NUP88: variants seen among roughly 807,000 people sequenced by gnomAD.
The protein encoded by NUP88 is nuclear pore complex protein Nup88.
Under a neutral mutation model 93.9 loss-of-function variants are expected in NUP88, and 57 were observed. The ratio of observed to expected loss-of-function variants is 0.61; its 90% CI spans 0.49 to 0.76. The LOEUF is 0.76. NUP88 is among the 30% of genes least tolerant of loss of function. The pLI is 0.00. For missense variants in NUP88, 911 were observed against 901.0 expected (o/e 1.01, Z -0.14); for synonymous variants, 346 against 336.8 (o/e 1.03, Z -0.30).
At chr17:5,401,569 A>G (rs1325420878) in intron 7 of NUP88, among the ~76,000 whole-genome samples, 1 of 152,180 alleles carries the variant, frequency 6.6e-6, no homozygotes, top group Non-Finnish European at 1.5e-5. Context: ...CTGATATATT[A>G]TTTTTCTGTC....
chr17:5,411,919 A>G (rs1264741847), intron 3 of NUP88, among the ~76,000 whole-genome samples: 1 of 152,224 alleles, frequency 6.6e-6, no homozygotes, highest in Non-Finnish European at 1.5e-5. Context: ...CAGTCTTCCT[A>G]GGTTCCTACA....
intron 7 of NUP88, 142 bp downstream of exon 7, chr17:5,403,957 T>C (rs1913326718): frequency 2.6e-6 from 2 of 758,198 alleles, no homozygotes; most frequent in Admixed American, 2.9e-5. Flanking sequence ...AAGTGTACTA[T>C]AGTGACTAAA....
At chr17:5,412,410 C>T (rs772557276) in intron 3 of NUP88, among the ~76,000 whole-genome samples, 1 of 152,170 alleles carries the variant, frequency 6.6e-6, no homozygotes, top group African/African-American at 2.4e-5. Flanking sequence ...CCCTTAGTCA[C>T]TTAGTAGCTG....
chr17:5,386,156 T>A lies in NUP88; in HGVS notation c.*50A>T. ...ATTCTACCTGTTTTACAATATGGGT[T>A]TAAGCCTTCAATGGTGTTCAGTTCA... On this transcript the variant is annotated 3_prime_UTR_variant, in exon 17 of 17. Transcript: ENST00000573584. The A allele has an allele frequency of 7.1e-7, 1 of 1,409,644 alleles. No individual in the cohort carries two copies. The highest frequency in any genetic ancestry group is 1.4e-5 in the African/African-American group (1 of 69,892). The allele number at this position is 1,409,644 out of a possible 1,614,324, so 87.3% of individuals were successfully genotyped here.
intron 1 of NUP88, chr17:5,418,012 T>C (rs898202868): frequency 1.3e-5 from 2 of 150,054 alleles, no homozygotes; most frequent in Non-Finnish European, 2.9e-5. Flanking sequence ...TGGTGGCAGA[T>C]ACCTGTAATC....
intron 2 of NUP88, among the ~76,000 whole-genome samples, chr17:5,414,651 A>G (rs1358361315): frequency 6.6e-6 from 1 of 152,124 alleles, no homozygotes; most frequent in African/African-American, 2.4e-5. Context: ...GCTGGGCGCA[A>G]TGGCTCACGC....
chr17:5,386,361 AAG>A, intron 16 of NUP88, 92 bp from the exon 17 acceptor site: 1 of 964,978 alleles, frequency 1.0e-6, no homozygotes, highest in Non-Finnish European at 1.6e-6. Context: ...TGAAACATCT[AAG>A]AACTGCTTTG....
chr17:5,393,793 G>A (rs1455451227), intron 9 of NUP88, among the ~76,000 whole-genome samples: 2 of 152,078 alleles, frequency 1.3e-5, no homozygotes, highest in Non-Finnish European at 1.5e-5. Context: ...CCCACCAAGC[G>A]TTTTCCCTGT....
At chr17:5,399,014 G>A (rs1912972516) in intron 8 of NUP88, among the ~76,000 whole-genome samples, 3 of 150,848 alleles carry the variant, frequency 2.0e-5, no homozygotes, top group African/African-American at 4.9e-5. Flanking sequence ...TCAGTCTCCC[G>A]AGTAGCTGGG....
chr17:5,406,314 C>T (rs1293157110), intron 5 of NUP88, among the ~76,000 whole-genome samples: 2 of 152,122 alleles, frequency 1.3e-5, no homozygotes, highest in Non-Finnish European at 2.9e-5. Flanking sequence ...ACATGAAAGA[C>T]AAAGAACTAA....
In NUP88 at chr17:5,399,279, T is replaced by C. The variant is rs1358441413; in HGVS notation, c.1291+273A>G. 2.1e-5 allele frequency among the ~76,000 whole-genome samples: 3 copies of C among 146,030 alleles called. No homozygotes were observed. The East Asian group carries it at 6.1e-4, about 29-fold the overall frequency. On this transcript the variant is annotated intron_variant, in intron 8 of 16. Coordinates refer to ENST00000573584, the MANE Select transcript of NUP88 (RefSeq NM_002532.6). Reference sequence around the variant, plus strand: ...TTTTTTTTTTCTTGGAATTTGTCCATTCCATCTAGATTATGTAAATGGCAT... The same window carrying C: ...TTTTTTTTTTCTTGGAATTTGTCCACTCCATCTAGATTATGTAAATGGCAT...
intron 5 of NUP88, among the ~76,000 whole-genome samples, chr17:5,408,202 T>A (rs1913607673): frequency 6.6e-6 from 1 of 152,240 alleles, no homozygotes; most frequent in South Asian, 2.1e-4. Context: ...AGAAATGGTC[T>A]CACTCTTCCT....
chr17:5,397,298 C>A (rs1912835400), intron 8 of NUP88, among the ~76,000 whole-genome samples: 1 of 152,176 alleles, frequency 6.6e-6, no homozygotes, highest in Non-Finnish European at 1.5e-5. Context: ...AATGACTGCA[C>A]CACTGCACTC....
chr17:5,418,512 C>A (rs564961992), intron 1 of NUP88, among the ~76,000 whole-genome samples: 1 of 152,296 alleles, frequency 6.6e-6, no homozygotes, highest in East Asian at 1.9e-4. Context: ...CCTCTGCCTC[C>A]CAGTGTTGGG....
chr17:5,416,607 G>A lies in NUP88; in HGVS notation c.373C>T (p.Leu125Phe). ...LLSPTQHHVA[L>F]IGIKGLMVLE... is the part of the protein sequence containing the mutation. ...ACCATAAGTCCTTTTATTCCTATAA[G>A]TGCTACATGATGTTGTGTTGGGCTT... Residue 125 changes from leucine to phenylalanine, a missense_variant, in exon 2 of 17, where the codon CTT becomes TTT. Leu to Phe is a conservative substitution (Grantham distance 22). Coordinates refer to ENST00000573584, the MANE Select transcript of NUP88 (RefSeq NM_002532.6). 6.2e-7 allele frequency: 1 copy of A among 1,612,046 alleles called. No homozygotes were observed. Among genetic ancestry groups the A allele is most frequent in the South Asian group, 1.1e-5 (1 of 90,590 alleles).
chr17:5,413,392 A>C (rs1486769107), intron 3 of NUP88, among the ~76,000 whole-genome samples: 2 of 152,242 alleles, frequency 1.3e-5, no homozygotes, highest in Non-Finnish European at 2.9e-5. Context: ...GATTTAGTAG[A>C]GCACAGTTAA....
rs149747450 is a variant in NUP88 at position 5,417,341 on chromosome 17, C to T, written c.298-659G>A. Among the ~76,000 whole-genome samples, 96 of 152,274 alleles carry T rather than the reference C, an allele frequency of 6.3e-4. 1 individual carries two copies. The highest frequency in any genetic ancestry group is 2.2e-3 in the African/African-American group (92 of 41,566). On this transcript the variant is annotated intron_variant, in intron 1 of 16. Transcript: ENST00000573584. The stretch of plus-strand genomic sequence containing the variant: ...AAATAGCCAGGCGTGGTGGCACATG[C>T]CTGTAGTCCCAGCTACTTCCAGGCG...
rs767525371 is a variant in NUP88, at chr17:5,419,455, C to A, written c.196G>T (p.Gly66Ter). ...LTRNVVFGLG[G>*]ELFLWDGEDS... Reference sequence around the variant, plus strand: ...TCTCCGTCCCACAGGAAAAGCTCTCCGCCGAGGCCAAAGACCACGTTTCTC... The same window carrying A: ...TCTCCGTCCCACAGGAAAAGCTCTCAGCCGAGGCCAAAGACCACGTTTCTC... Residue 66 changes from glycine to a stop codon, truncating the protein, a stop_gained, in exon 1 of 17, where the codon GGA (glycine) becomes TGA (stop). Coordinates refer to ENST00000573584, the MANE Select transcript of NUP88 (RefSeq NM_002532.6). LOFTEE classifies it high-confidence loss of function. The A allele has an allele frequency of 3.7e-6, 6 of 1,613,996 alleles. No homozygotes were observed. Among genetic ancestry groups the A allele is most frequent in the African/African-American group, 1.3e-5 (1 of 75,060 alleles).
In NUP88 at chr17:5,385,967, G is replaced by T; in HGVS notation, c.*239C>A. On this transcript the variant is annotated 3_prime_UTR_variant, in exon 17 of 17. Coordinates refer to ENST00000573584, the MANE Select transcript of NUP88 (RefSeq NM_002532.6). ...TTCAGGGAGGTTCTGGCAGTGTGCA[G>T]TGTGAAATAATCCTGAGTCCTTGCT... 2.1e-6 allele frequency: 1 copy of T among 469,030 alleles called. No individual in the cohort carries two copies. The highest frequency in any genetic ancestry group is 3.7e-6 in the Non-Finnish European group (1 of 268,348). The allele number at this position is 469,030 out of a possible 1,614,324, so 29.1% of individuals were successfully genotyped here.
Sources: gnomAD v4.1 joint callset for allele counts (sites outside exome capture counted in the v4.1 genomes callset) on GRCh38, gnomAD v4.1.1 for gene constraint, MANE v1.5 for transcripts, NCBI Gene and HGNC (gene_info 2026-07-23, HGNC 2026-07-21) for gene names.